The following PYHIN1 variants were observed in gnomAD, a reference collection of about 807,000 sequenced individuals.
PYHIN1 encodes the protein pyrin and HIN domain-containing protein 1.
In PYHIN1, 32 loss-of-function variants were observed where a neutral mutation model predicts 43.7. The ratio of observed to expected loss-of-function variants is 0.73; its 90% CI spans 0.55 to 0.98. The LOEUF (loss-of-function observed/expected upper bound fraction) is 0.98, where lower values mean the gene tolerates loss of function less well. Ranked by LOEUF, PYHIN1 falls within the 50% of genes least tolerant of loss-of-function variation. PYHIN1 has a pLI of 0.00. For synonymous variants in PYHIN1, 205 were observed against 203.1 expected (o/e 1.01, Z -0.08); for missense variants, 588 against 589.5 (o/e 1.00, Z 0.03).
At chr1:158,952,005 G>T (rs1024581968) in intron 7 of PYHIN1, among the ~76,000 whole-genome samples, 74 of 152,112 alleles carry the variant, frequency 4.9e-4, no homozygotes, top group African/African-American at 1.8e-3. Flanking sequence ...AGGAGCACAT[G>T]AAATTTTGCT....
chr1:158,952,795 G>C (rs183867094), intron 7 of PYHIN1, among the ~76,000 whole-genome samples: 96 of 152,334 alleles, frequency 6.3e-4, no homozygotes, highest in Non-Finnish European at 1.0e-3. Flanking sequence ...AGCTCCCAGC[G>C]TAAGCGACGC....
At chr1:158,975,071 A>G (rs1430568296) in intron 8 of PYHIN1, among the ~76,000 whole-genome samples, 1 of 152,012 alleles carries the variant, frequency 6.6e-6, no homozygotes, top group Non-Finnish European at 1.5e-5. Context: ...AATCTCAGCT[A>G]GGGTCCTATG....
At chr1:158,948,113 GCAA>G (rs1649326296) in intron 7 of PYHIN1, among the ~76,000 whole-genome samples, 1 of 152,200 alleles carries the variant, frequency 6.6e-6, no homozygotes. Context: ...GATGTGTGCA[GCAA>G]CAAGTCTGTT....
At chr1:158,981,545 T>C (rs1244248424), downstream of PYHIN1, among the ~76,000 whole-genome samples, 1 of 152,182 alleles carries the variant, frequency 6.6e-6, no homozygotes, top group East Asian at 1.9e-4. Flanking sequence ...TAGAACAATT[T>C]ATATTCCTTT....
chr1:158,988,916 G>T, the PYHIN1 span, among the ~76,000 whole-genome samples: 1 of 152,176 alleles, frequency 6.6e-6, no homozygotes, highest in Non-Finnish European at 1.5e-5. Context: ...AAGAGCTCAG[G>T]TATATGACAA....
At chr1:158,990,850 G>A in the PYHIN1 span, among the ~76,000 whole-genome samples, 4 of 152,238 alleles carry the variant, frequency 2.6e-5, no homozygotes, top group East Asian at 7.7e-4. Flanking sequence ...GCACATGGTG[G>A]GACCAGGGGC....
At chr1:158,990,630 A>G in the PYHIN1 span, among the ~76,000 whole-genome samples, 1 of 152,186 alleles carries the variant, frequency 6.6e-6, no homozygotes, top group Admixed American at 6.5e-5. Flanking sequence ...ACTCCAATCT[A>G]ACTATAATTA....
chr1:158,932,290 G>T (rs556136863), intron 1 of PYHIN1, among the ~76,000 whole-genome samples: 14 of 151,730 alleles, frequency 9.2e-5, no homozygotes, highest in Admixed American at 8.5e-4. Context: ...AACGGTAGAC[G>T]CTGGGGACTG....
intron 5 of PYHIN1, among the ~76,000 whole-genome samples, chr1:158,943,035 T>C (rs1247625400): frequency 1.3e-5 from 2 of 152,194 alleles, no homozygotes; most frequent in East Asian, 3.8e-4. Context: ...TTTTCTGATA[T>C]GTTACTGTCA....
chr1:158,984,981 C>T, the PYHIN1 span, among the ~76,000 whole-genome samples: 1 of 151,854 alleles, frequency 6.6e-6, no homozygotes. Context: ...GCAACCCCTG[C>T]TCTATTTTGT....
At chr1:158,970,036 T>G (rs1312929275) in intron 7 of PYHIN1, among the ~76,000 whole-genome samples, 1 of 151,836 alleles carries the variant, frequency 6.6e-6, no homozygotes, top group East Asian at 1.9e-4. Flanking sequence ...ACTCAAAAAT[T>G]TGTGTATGAT....
intron 7 of PYHIN1, among the ~76,000 whole-genome samples, chr1:158,953,890 A>G (rs1649752193): frequency 6.9e-6 from 1 of 145,526 alleles, no homozygotes; most frequent in South Asian, 2.3e-4. Flanking sequence ...AATAACCAAT[A>G]CAGAGAAGTG....
chr1:158,942,123 A>G lies in PYHIN1; in HGVS notation c.726A>G (p.Thr242=), dbSNP rs914396900. Reference sequence around the variant, plus strand: ...AGCAAAGAAGAATGTTTCATGCTACAGTGGCTACGCAGACACAGTTCTTTC... The same window carrying G: ...AGCAAAGAAGAATGTTTCATGCTACGGTGGCTACGCAGACACAGTTCTTTC... The part of the protein sequence containing the change: ...ENEQRRMFHA[T]VATQTQFFHV... Residue 242 remains threonine, a synonymous_variant, in exon 5 of 9, where the codon ACA becomes ACG. Coordinates refer to ENST00000368140, the MANE Select transcript of PYHIN1 (RefSeq NM_152501.5). The G allele has an allele frequency of 2.5e-6, 4 of 1,614,156 alleles. No homozygotes were observed. Among genetic ancestry groups the G allele is most frequent in the Non-Finnish European group, 3.4e-6 (4 of 1,179,996 alleles).
chr1:158,934,660 T>C (rs1342783419), intron 1 of PYHIN1, among the ~76,000 whole-genome samples: 1 of 152,262 alleles, frequency 6.6e-6, no homozygotes, highest in African/African-American at 2.4e-5. Context: ...CCCAGGAATT[T>C]AAATATCTAA....
chr1:158,939,576 T>A (rs767697394), intron 4 of PYHIN1: 6 of 1,453,656 alleles, frequency 4.1e-6, no homozygotes, highest in South Asian at 1.2e-5. Flanking sequence ...TTCAAGTTTC[T>A]CTGACATACA....
intron 3 of PYHIN1, 43 bp from the exon 4 acceptor site, chr1:158,939,037 T>C: frequency 6.9e-7 from 1 of 1,448,300 alleles, no homozygotes; most frequent in Non-Finnish European, 9.3e-7. Flanking sequence ...TCTGCTTCAT[T>C]TGACACTGAA....
At chr1:158,979,763 A>C (rs1260768813), downstream of PYHIN1, among the ~76,000 whole-genome samples, 1 of 152,174 alleles carries the variant, frequency 6.6e-6, no homozygotes, top group Non-Finnish European at 1.5e-5. Flanking sequence ...TAGGGGCTAC[A>C]TGTGCAGGTT....
downstream of PYHIN1, among the ~76,000 whole-genome samples, chr1:158,982,055 T>C (rs1651499916): frequency 2.0e-5 from 3 of 152,204 alleles, no homozygotes. Context: ...TCAGAAATCA[T>C]AGTTTGCAAA....
At chr1:158,936,866 A>G in intron 1 of PYHIN1, 25 bp from the exon 2 acceptor site, 3 of 1,475,702 alleles carry the variant, frequency 2.0e-6, no homozygotes, top group Non-Finnish European at 2.7e-6. Context: ...CATGTGTAAC[A>G]CTATATACCA....
Sources: gnomAD v4.1 joint callset for allele counts (sites outside exome capture counted in the v4.1 genomes callset) on GRCh38, gnomAD v4.1.1 for gene constraint, MANE v1.5 for transcripts, NCBI Gene and HGNC (gene_info 2026-07-23, HGNC 2026-07-21) for gene names.